Variants in TRHDE observed in about 807,000 individuals in gnomAD.
TRHDE encodes the protein thyrotropin-releasing hormone-degrading ectoenzyme.
In TRHDE, 72 loss-of-function variants were observed where a neutral mutation model predicts 125.7. The observed-to-expected ratio is 0.57, with a 90% CI of 0.47 to 0.70. The LOEUF (loss-of-function observed/expected upper bound fraction) is 0.70. Ranked by LOEUF, TRHDE falls within the 30% of genes least tolerant of loss-of-function variation. The pLI, the probability that TRHDE is intolerant of heterozygous loss-of-function variation, is 0.00. For missense variants in TRHDE, 1,110 were observed against 1,327.1 expected, an observed-to-expected ratio of 0.84 and a Z score of 2.54; for synonymous variants, 509 against 509.1, an observed-to-expected ratio of 1.00 and a Z score of 0.00.
intron 1 of TRHDE, chr12:72,274,764 T>C (rs1018580469): frequency 2.0e-5 from 3 of 152,168 alleles, no homozygotes; most frequent in Non-Finnish European, 4.4e-5. Context: ...ATAATAATAT[T>C]CTACTTGTAG....
intron 6 of TRHDE, among the ~76,000 whole-genome samples, chr12:72,508,431 G>C (rs1270329510): frequency 1.3e-5 from 2 of 152,168 alleles, no homozygotes; most frequent in African/African-American, 4.8e-5. Flanking sequence ...AGTCAAAGGA[G>C]GATATTCTGG....
At chr12:72,208,299 A>T (rs893752434) in intron 2 of TRHDE, among the ~76,000 whole-genome samples, 1 of 152,106 alleles carries the variant, frequency 6.6e-6, no homozygotes, top group African/African-American at 2.4e-5. Flanking sequence ...GTCCTTCCTC[A>T]TTTCAACTTA....
chr12:72,122,382 A>G (rs1053900064), intron 2 of TRHDE, among the ~76,000 whole-genome samples: 5 of 152,198 alleles, frequency 3.3e-5, no homozygotes, highest in African/African-American at 1.2e-4. Flanking sequence ...GTGACATTAA[A>G]ATTTTTCTCC....
intron 18 of TRHDE, 50 bp from the exon 19 acceptor site, chr12:72,663,002 A>G: frequency 6.4e-7 from 1 of 1,552,774 alleles, no homozygotes; most frequent in South Asian, 1.2e-5. Context: ...GTTGGACATG[A>G]GTTCTTTTTA....
chr12:72,572,388 T>A (rs1414665239), intron 10 of TRHDE, among the ~76,000 whole-genome samples: 3 of 152,164 alleles, frequency 2.0e-5, no homozygotes, highest in Non-Finnish European at 4.4e-5. Context: ...ATATATTTTT[T>A]AATTATTATT....
chr12:72,429,874 G>T (rs1376710171), intron 3 of TRHDE, among the ~76,000 whole-genome samples: 1 of 151,856 alleles, frequency 6.6e-6, no homozygotes, highest in Non-Finnish European at 1.5e-5. Context: ...TTATTGAGTT[G>T]TAAGAATAAT....
intron 2 of TRHDE, among the ~76,000 whole-genome samples, chr12:72,290,336 T>C (rs1880040137): frequency 6.6e-6 from 1 of 152,232 alleles, no homozygotes; most frequent in Non-Finnish European, 1.5e-5. Context: ...TTCAGAATTA[T>C]TTCTTTGCTT....
At chr12:72,269,660 A>T (rs900634588), upstream of TRHDE, among the ~76,000 whole-genome samples, 1 of 152,196 alleles carries the variant, frequency 6.6e-6, no homozygotes, top group South Asian at 2.1e-4. Context: ...ACACACAGCA[A>T]GACAGAAGGA....
intron 12 of TRHDE, among the ~76,000 whole-genome samples, chr12:72,592,686 G>C (rs757489565): frequency 6.7e-6 from 1 of 149,654 alleles, no homozygotes; most frequent in African/African-American, 2.5e-5. Context: ...TTTGCCTGTA[G>C]GTGATTTCTT....
intron 3 of TRHDE, among the ~76,000 whole-genome samples, chr12:72,411,743 T>C (rs1367222002): frequency 2.0e-5 from 3 of 152,086 alleles, no homozygotes; most frequent in Admixed American, 6.5e-5. Flanking sequence ...TCAAAACATA[T>C]TTTAAAGTTA....
At chr12:72,188,711 T>A (rs1487784493) in intron 2 of TRHDE, among the ~76,000 whole-genome samples, 2 of 152,130 alleles carry the variant, frequency 1.3e-5, no homozygotes, top group Admixed American at 6.6e-5. Context: ...AGAAATCTGA[T>A]TTTTTTTGTA....
At chr12:72,464,715 A>G (rs756246095) in intron 3 of TRHDE, among the ~76,000 whole-genome samples, 1 of 152,206 alleles carries the variant, frequency 6.6e-6, no homozygotes, top group Non-Finnish European at 1.5e-5. Context: ...CTAGCCTACC[A>G]TATGATAATT....
At chr12:72,643,131 A>G (rs1290506671) in intron 15 of TRHDE, among the ~76,000 whole-genome samples, 1 of 152,172 alleles carries the variant, frequency 6.6e-6, no homozygotes, top group Non-Finnish European at 1.5e-5. Flanking sequence ...GATAAAAAAC[A>G]TGAGGAGTTG....
intron 18 of TRHDE, among the ~76,000 whole-genome samples, 191 bp downstream of exon 18, chr12:72,657,199 T>C (rs1315695642): frequency 6.6e-6 from 1 of 152,094 alleles, no homozygotes; most frequent in Non-Finnish European, 1.5e-5. Context: ...ATGTCAAACA[T>C]TGAAGGCCTG....
At chr12:72,501,094 TA>T (rs1482362441) in intron 6 of TRHDE, among the ~76,000 whole-genome samples, 3 of 152,156 alleles carry the variant, frequency 2.0e-5, no homozygotes, top group East Asian at 3.9e-4. Context: ...ACATTTTTCA[TA>T]TTTTTTTTCA....
chr12:72,272,054 C>A (rs1209984286), upstream of TRHDE: 1 of 457,520 alleles, frequency 2.2e-6, no homozygotes, highest in Non-Finnish European at 4.4e-6. This position sits in a 1 kb window ranked among gnomAD's most constrained non-coding sequence, Gnocchi z 6.7. Flanking sequence ...CCCACCTCGG[C>A]CATCCTTTTC....
At chr12:72,091,037 T>C (rs1874778380) in intron 1 of TRHDE, among the ~76,000 whole-genome samples, 1 of 152,056 alleles carries the variant, frequency 6.6e-6, no homozygotes. Flanking sequence ...GCCTGGTTAA[T>C]TTTTATTTTA....
At position 72,356,104 on chromosome 12, in the gene TRHDE, C is replaced by CT. The variant is rs536635396; in HGVS notation, c.1189-21891_1189-21890insT. On this transcript the variant is annotated intron_variant, in intron 2 of 18. Transcript: ENST00000261180. ...ACATGCAAGAGAATGTTCATTGCAG[C>CT]ACTATTCACAATAGAAAAGACATGG... 2.2e-4 allele frequency among the ~76,000 whole-genome samples: 33 copies of CT among 151,834 alleles called. No individual in the cohort carries two copies. The South Asian group carries it at 6.4e-3, about 30-fold the overall frequency.
At position 72,321,133 on chromosome 12, in the gene TRHDE, C is replaced by T. The variant is rs190047528; in HGVS notation, c.1188+34179C>T. Among the ~76,000 whole-genome samples the T allele has an allele frequency of 1.2e-4, 18 of 152,126 alleles. No homozygotes were observed. In the East Asian group the frequency reaches 2.1e-3, roughly 18 times the overall value. ...ATTCTCAGCAATTTTATGTCATTTT[C>T]GATAGAGGCATTAGTAATAGAAATG... On this transcript the variant is annotated intron_variant, in intron 2 of 18. Coordinates refer to ENST00000261180, the MANE Select transcript of TRHDE (RefSeq NM_013381.3).
Sources: gnomAD v4.1 joint callset for allele counts (sites outside exome capture counted in the v4.1 genomes callset) on GRCh38, gnomAD v4.1.1 for gene constraint, Gnocchi (gnomAD v3.1) non-coding constraint, MANE v1.5 for transcripts, NCBI Gene and HGNC (gene_info 2026-07-23, HGNC 2026-07-21) for gene names.